The following SGCZ variants were observed in gnomAD, a reference collection of about 807,000 sequenced individuals.
The protein encoded by SGCZ is sarcoglycan zeta, also known as zeta-sarcoglycan.
SGCZ carries 40 observed loss-of-function variants against 41.3 expected under a neutral mutation model. The observed-to-expected ratio is 0.97, with a 90% CI of 0.75 to 1.26. SGCZ has a LOEUF of 1.26. Among genes scored for constraint, SGCZ ranks in the 50% most tolerant of loss-of-function variants. The pLI is 0.00. For missense variants in SGCZ, 552 were observed against 369.8 expected (o/e 1.49, Z -4.04); for synonymous variants, 206 against 137.5 (o/e 1.50, Z -3.49).
chr8:14,637,586 T>A (rs28477513), intron 1 of SGCZ, among the ~76,000 whole-genome samples: 5,252 of 151,868 alleles, frequency 0.035, 297 homozygotes, highest in African/African-American at 0.12. Context: ...TTTTTTTTGT[T>A]CCTGCATTAA....
intron 2 of SGCZ, among the ~76,000 whole-genome samples, chr8:14,506,368 T>G (rs1296124765): frequency 6.6e-6 from 1 of 152,132 alleles, no homozygotes; most frequent in African/African-American, 2.4e-5. Flanking sequence ...TCTTAGCCAC[T>G]CAAAGACATA....
intron 1 of SGCZ, among the ~76,000 whole-genome samples, chr8:15,064,850 G>C (rs1391788204): frequency 6.6e-6 from 1 of 152,178 alleles, no homozygotes; most frequent in Non-Finnish European, 1.5e-5. Flanking sequence ...TTTCTGTGTA[G>C]AGAGAGCAGG....
At chr8:14,093,476 C>T (rs191499216) in intron 7 of SGCZ, among the ~76,000 whole-genome samples, 3 of 152,228 alleles carry the variant, frequency 2.0e-5, no homozygotes. Flanking sequence ...AATTCTTCCT[C>T]TTGCTCCAGT....
At chr8:14,118,142 C>T (rs1802581362) in intron 5 of SGCZ, among the ~76,000 whole-genome samples, 1 of 151,946 alleles carries the variant, frequency 6.6e-6, no homozygotes, top group East Asian at 2.0e-4. Context: ...AGTTCTAGAT[C>T]CTTGAGGAAT....
At chr8:14,513,507 T>C (rs1256048157) in intron 2 of SGCZ, among the ~76,000 whole-genome samples, 1 of 151,984 alleles carries the variant, frequency 6.6e-6, no homozygotes, top group Non-Finnish European at 1.5e-5. Flanking sequence ...TAAATATTTC[T>C]ATTTCTAAAC....
chr8:14,312,432 G>T (rs1801577931), intron 3 of SGCZ, among the ~76,000 whole-genome samples: 1 of 152,094 alleles, frequency 6.6e-6, no homozygotes, highest in Non-Finnish European at 1.5e-5. Flanking sequence ...GGTAGTGAAA[G>T]AATATACTAG....
intron 1 of SGCZ, among the ~76,000 whole-genome samples, chr8:14,718,877 T>TAA (rs372634291): frequency 0.36 from 52,272 of 146,258 alleles, 11,237 homozygotes; most frequent in African/African-American, 0.59. Flanking sequence ...TATTATACTT[T>TAA]GTTTTAGGGC....
chr8:14,178,017 G>T (rs1265875014), intron 4 of SGCZ, among the ~76,000 whole-genome samples: 1 of 135,556 alleles, frequency 7.4e-6, no homozygotes, highest in Non-Finnish European at 1.5e-5. Context: ...GAGTGCAGTG[G>T]CATGATCCCG....
intron 1 of SGCZ, among the ~76,000 whole-genome samples, chr8:14,579,890 G>A (rs1042685235): frequency 9.2e-5 from 14 of 152,182 alleles, no homozygotes; most frequent in African/African-American, 3.4e-4. Flanking sequence ...GTTCCCCTGA[G>A]TCTAAGCAGA....
intron 3 of SGCZ, among the ~76,000 whole-genome samples, chr8:14,257,092 G>C (rs1799491248): frequency 6.6e-6 from 1 of 152,028 alleles, no homozygotes; most frequent in Admixed American, 6.6e-5. Flanking sequence ...GCACTAGAAG[G>C]CCAAAGTGGA....
intron 5 of SGCZ, among the ~76,000 whole-genome samples, chr8:14,129,345 C>CCA (rs1302969668): frequency 4.5e-5 from 2 of 44,112 alleles, no homozygotes; most frequent in Admixed American, 3.7e-4. Flanking sequence ...GACTCCGTCT[C>CCA]AAAAAAAAAA....
At chr8:14,427,988 G>A (rs1192703335) in intron 2 of SGCZ, among the ~76,000 whole-genome samples, 1 of 151,966 alleles carries the variant, frequency 6.6e-6, no homozygotes, top group East Asian at 1.9e-4. Flanking sequence ...GATGTATCTA[G>A]GTTATATGCA....
At chr8:14,298,423 T>A (rs1027107890) in intron 3 of SGCZ, among the ~76,000 whole-genome samples, 1 of 152,122 alleles carries the variant, frequency 6.6e-6, no homozygotes, top group Non-Finnish European at 1.5e-5. Flanking sequence ...GTAGACAAGA[T>A]AATTTACAGA....
rs184738865 is a variant in SGCZ at position 14,190,663 on chromosome 8, C to T, written c.425-25961G>A. Among the ~76,000 whole-genome samples the T allele has an allele frequency of 2.4e-3, 360 of 152,056 alleles. 3 individuals are homozygous for T. The highest frequency in any genetic ancestry group is 0.015 in the South Asian group (70 of 4,818). ...TGTCGCCCAGGCTGGAGTGCAGTGA[C>T]GCGATCTCGGCTCACTACAACCTCC... On this transcript the variant is annotated intron_variant, in intron 4 of 7. Transcript: ENST00000382080.
intron 2 of SGCZ, among the ~76,000 whole-genome samples, chr8:14,468,642 C>T (rs1344541386): frequency 6.6e-6 from 1 of 151,984 alleles, no homozygotes; most frequent in Non-Finnish European, 1.5e-5. Flanking sequence ...TCCATTTTAT[C>T]TTTCTAATGC....
chr8:14,349,765 G>C (rs987150488), intron 2 of SGCZ, among the ~76,000 whole-genome samples: 2 of 152,042 alleles, frequency 1.3e-5, no homozygotes, highest in African/African-American at 4.8e-5. Context: ...GTAGCTTATA[G>C]TACCTTAATA....
chr8:15,178,011 C>T (rs1800051511), intron 1 of SGCZ, among the ~76,000 whole-genome samples: 1 of 152,126 alleles, frequency 6.6e-6, no homozygotes, highest in South Asian at 2.1e-4. Context: ...TGACCTCTAC[C>T]TGTAAGCCCC....
intron 1 of SGCZ, among the ~76,000 whole-genome samples, chr8:15,078,059 T>G (rs1461635946): frequency 1.3e-5 from 2 of 151,244 alleles, no homozygotes; most frequent in African/African-American, 4.9e-5. Context: ...ATTCATGCCT[T>G]ACGTGGGAGG....
intron 2 of SGCZ, among the ~76,000 whole-genome samples, chr8:14,502,501 T>C (rs1200150694): frequency 6.6e-6 from 1 of 152,144 alleles, no homozygotes; most frequent in Admixed American, 6.6e-5. Context: ...TTATAAACAA[T>C]GACACTTTTA....
Sources: allele counts gnomAD v4.1 joint callset (sites outside exome capture counted in the v4.1 genomes callset), GRCh38; gene constraint gnomAD v4.1.1; transcripts MANE v1.5; gene names NCBI Gene and HGNC (gene_info 2026-07-23, HGNC 2026-07-21).